CSMD1: variants seen among roughly 807,000 people sequenced by gnomAD.
The protein encoded by CSMD1 is CUB and sushi domain-containing protein 1.
In CSMD1, 213 loss-of-function variants were observed where a neutral mutation model predicts 417.5. The observed-to-expected ratio is 0.51, with a 90% confidence interval of 0.46 to 0.57. CSMD1 has a LOEUF of 0.57. Among genes scored for constraint, CSMD1 ranks in the 20% least tolerant of loss-of-function variants. The pLI, the probability that CSMD1 is intolerant of heterozygous loss-of-function variation, is 0.00. For synonymous variants in CSMD1, 2,862 were observed against 1,736.8 expected, an observed-to-expected ratio of 1.65 and a Z score of -16.11; for missense variants, 6,923 against 4,529.7, an observed-to-expected ratio of 1.53 and a Z score of -15.17.
At chr8:4,177,971 A>T (rs1798145351) in intron 3 of CSMD1, among the ~76,000 whole-genome samples, 3 of 152,222 alleles carry the variant, frequency 2.0e-5, no homozygotes, top group Non-Finnish European at 1.5e-5. Context: ...CCAGGATCAT[A>T]TGGACTCACA....
At chr8:3,683,106 C>A (rs1233498252) in intron 7 of CSMD1, among the ~76,000 whole-genome samples, 1 of 151,816 alleles carries the variant, frequency 6.6e-6, no homozygotes. Flanking sequence ...AAATGACAAG[C>A]TAATGGGTGC....
intron 5 of CSMD1, among the ~76,000 whole-genome samples, chr8:3,772,667 A>G (rs1296532256): frequency 2.0e-5 from 3 of 146,528 alleles, no homozygotes; most frequent in Non-Finnish European, 4.5e-5. Context: ...ACATACATTT[A>G]TATATACATA....
intron 51 of CSMD1, among the ~76,000 whole-genome samples, chr8:3,021,444 T>C (rs1387028341): frequency 1.3e-5 from 2 of 152,242 alleles, no homozygotes; most frequent in African/African-American, 4.8e-5. Flanking sequence ...GGCTTTGTCA[T>C]ACACCGAAGG....
chr8:3,718,471 C>G (rs1484407482), intron 6 of CSMD1, among the ~76,000 whole-genome samples: 1 of 152,140 alleles, frequency 6.6e-6, no homozygotes, highest in Admixed American at 6.6e-5. Context: ...ATCTTTTGCA[C>G]CAGGAAAGAC....
intron 8 of CSMD1, among the ~76,000 whole-genome samples, chr8:3,606,765 C>T (rs1043011428): frequency 6.7e-6 from 1 of 149,648 alleles, no homozygotes; most frequent in Admixed American, 6.7e-5. Context: ...GGCTGGGGTA[C>T]AGTGGCGTGA....
intron 3 of CSMD1, among the ~76,000 whole-genome samples, chr8:4,214,017 G>A (rs17069493): frequency 0.016 from 2,423 of 152,286 alleles, 65 homozygotes; most frequent in African/African-American, 0.055. Flanking sequence ...TTCTGACGAT[G>A]TAAGTAACAA....
At chr8:4,839,138 T>A (rs1414623151) in intron 1 of CSMD1, among the ~76,000 whole-genome samples, 2 of 152,170 alleles carry the variant, frequency 1.3e-5, no homozygotes, top group Admixed American at 6.5e-5. Context: ...TCAAAAGCTG[T>A]GTGTCGTAAC....
intron 5 of CSMD1, among the ~76,000 whole-genome samples, chr8:3,822,182 C>G (rs1015690538): frequency 6.6e-6 from 1 of 152,174 alleles, no homozygotes; most frequent in Non-Finnish European, 1.5e-5. Context: ...ATCGTTTAAG[C>G]ACTGCTAGTC....
At chr8:3,119,763 G>A (rs569956275) in intron 41 of CSMD1, among the ~76,000 whole-genome samples, 23 of 152,294 alleles carry the variant, frequency 1.5e-4, no homozygotes, top group African/African-American at 4.8e-4. Context: ...CTGGGAACCT[G>A]CTCCTAATGC....
At chr8:3,597,422 T>TATGATCAGAAGATCA (rs11271261) in intron 8 of CSMD1, among the ~76,000 whole-genome samples, 3 of 151,776 alleles carry the variant, frequency 2.0e-5, no homozygotes, top group Admixed American at 2.0e-4. Context: ...AGTAGGGAAC[T>TATGATCAGAAGATCA]ACTTTCAATG....
At chr8:3,591,585 C>T (rs1369126452) in intron 8 of CSMD1, among the ~76,000 whole-genome samples, 1 of 152,196 alleles carries the variant, frequency 6.6e-6, no homozygotes, top group African/African-American at 2.4e-5. Context: ...AGAGATTACA[C>T]TAATCTACTG....
chr8:4,109,302 AT>A (rs891684955), intron 3 of CSMD1, among the ~76,000 whole-genome samples: 21 of 151,990 alleles, frequency 1.4e-4, no homozygotes, highest in African/African-American at 4.8e-4. Context: ...GAGCAGCTGT[AT>A]TTTTTTTCTA....
chr8:4,905,376 A>C, intron 1 of CSMD1, among the ~76,000 whole-genome samples: 1 of 152,006 alleles, frequency 6.6e-6, no homozygotes, highest in East Asian at 1.9e-4. Context: ...AGATTTATAA[A>C]ATATATATAT....
chr8:3,307,603 A>C, intron 25 of CSMD1, 92 bp downstream of exon 25: 2 of 1,377,308 alleles, frequency 1.5e-6, no homozygotes, highest in Non-Finnish European at 2.0e-6. Flanking sequence ...AGAAACTTTA[A>C]CCATGGATAT....
At chr8:2,986,748 C>A (rs1348700971) in intron 54 of CSMD1, among the ~76,000 whole-genome samples, 1 of 152,150 alleles carries the variant, frequency 6.6e-6, no homozygotes, top group Non-Finnish European at 1.5e-5. Flanking sequence ...TCGTGATTCG[C>A]CTGCCTCAGC....
chr8:3,709,081 G>C (rs1166439748), intron 6 of CSMD1, among the ~76,000 whole-genome samples: 5 of 151,658 alleles, frequency 3.3e-5, no homozygotes, highest in Non-Finnish European at 2.9e-5. Flanking sequence ...CTGGCTTCTA[G>C]CATCATCATT....
At chr8:3,550,128 C>T (rs141254439) in intron 10 of CSMD1, among the ~76,000 whole-genome samples, 21 of 152,296 alleles carry the variant, frequency 1.4e-4, no homozygotes, top group African/African-American at 4.8e-4. Flanking sequence ...CCATTGGGAT[C>T]ACCCATGCAC....
At chr8:4,340,713 T>C (rs1317976443) in intron 3 of CSMD1, among the ~76,000 whole-genome samples, 1 of 152,024 alleles carries the variant, frequency 6.6e-6, no homozygotes, top group African/African-American at 2.4e-5. Context: ...AAACAAAATA[T>C]CAGCACGTGG....
chr8:3,602,718 C>T (rs1294216541), intron 8 of CSMD1, among the ~76,000 whole-genome samples: 2 of 54,814 alleles, frequency 3.6e-5, no homozygotes, highest in African/African-American at 2.5e-4. Flanking sequence ...GGAAGAATTA[C>T]ACACACACAC....
Sources: allele counts gnomAD v4.1 joint callset (sites outside exome capture counted in the v4.1 genomes callset), GRCh38; gene constraint gnomAD v4.1.1; transcripts MANE v1.5; gene names NCBI Gene and HGNC (gene_info 2026-07-23, HGNC 2026-07-21).